SCHIP1: variants seen among roughly 807,000 people sequenced by gnomAD.
The protein encoded by SCHIP1 is schwannomin interacting protein 1, also known as schwannomin-interacting protein 1.
In SCHIP1, 8 loss-of-function variants were observed where a neutral mutation model predicts 29.7. The observed-to-expected ratio is 0.27, with a 90% CI of 0.16 to 0.49. SCHIP1 has a LOEUF of 0.49. SCHIP1 is among the 20% of genes least tolerant of loss of function. SCHIP1 has a pLI of 0.99. For synonymous variants in SCHIP1, 76 were observed against 94.9 expected (o/e 0.80, Z 1.16); for missense variants, 193 against 294.6 (o/e 0.66, Z 2.52).
chr3:159,539,067 C>A, the SCHIP1 span, among the ~76,000 whole-genome samples: 1 of 152,026 alleles, frequency 6.6e-6, no homozygotes, highest in Non-Finnish European at 1.5e-5. Context: ...GTAAGAATAG[C>A]CTTGGGTTCA....
At chr3:159,438,276 C>T in the SCHIP1 span, among the ~76,000 whole-genome samples, 1 of 152,046 alleles carries the variant, frequency 6.6e-6, no homozygotes, top group Non-Finnish European at 1.5e-5. Context: ...TTCTTTGGAG[C>T]ACTTAAGACT....
chr3:159,621,922 T>C, the SCHIP1 span, among the ~76,000 whole-genome samples: 3 of 152,176 alleles, frequency 2.0e-5, no homozygotes, highest in African/African-American at 7.2e-5. Context: ...TGCCTCGGCC[T>C]CCCAAAGTGC....
At chr3:159,573,990 T>C in the SCHIP1 span, among the ~76,000 whole-genome samples, 1 of 152,234 alleles carries the variant, frequency 6.6e-6, no homozygotes, top group East Asian at 1.9e-4. Flanking sequence ...CTACACTGTT[T>C]ATTCTAGTTA....
chr3:159,478,518 GACTC>G, the SCHIP1 span, among the ~76,000 whole-genome samples: 1 of 152,090 alleles, frequency 6.6e-6, no homozygotes, highest in African/African-American at 2.4e-5. Context: ...GAAGTACAAT[GACTC>G]CAGGTTTGTT....
At chr3:159,497,344 T>G in the SCHIP1 span, among the ~76,000 whole-genome samples, 1,663 of 152,166 alleles carry the variant, frequency 0.011, 38 homozygotes, top group African/African-American at 0.038. Context: ...TAAAGACCCT[T>G]GATAAATGTT....
the SCHIP1 span, among the ~76,000 whole-genome samples, chr3:159,597,716 G>T: frequency 6.6e-6 from 1 of 152,018 alleles, no homozygotes; most frequent in Admixed American, 6.6e-5. Context: ...CTTTGCTTTT[G>T]TGAAGAGTAC....
At chr3:159,639,489 T>TA in the SCHIP1 span, among the ~76,000 whole-genome samples, 73 of 152,266 alleles carry the variant, frequency 4.8e-4, no homozygotes, top group African/African-American at 1.8e-3. Context: ...TAATAATTTT[T>TA]AACCATTTCC....
At chr3:159,822,944 C>G in the SCHIP1 span, among the ~76,000 whole-genome samples, 1 of 151,960 alleles carries the variant, frequency 6.6e-6, no homozygotes, top group African/African-American at 2.4e-5. Flanking sequence ...ACAGCCACCT[C>G]TTGAGAGCCA....
At chr3:159,544,265 TTA>T in the SCHIP1 span, among the ~76,000 whole-genome samples, 1 of 152,094 alleles carries the variant, frequency 6.6e-6, no homozygotes, top group African/African-American at 2.4e-5. Context: ...TTTAAAATTT[TTA>T]TGTTAAATTT....
chr3:159,501,543 G>A, the SCHIP1 span, among the ~76,000 whole-genome samples: 5 of 152,140 alleles, frequency 3.3e-5, no homozygotes, highest in Non-Finnish European at 7.4e-5. Context: ...CCATTTATGT[G>A]TTAATAACTC....
the SCHIP1 span, among the ~76,000 whole-genome samples, chr3:159,535,188 T>C: frequency 6.6e-6 from 1 of 152,290 alleles, no homozygotes; most frequent in African/African-American, 2.4e-5. Flanking sequence ...TTGCATAATA[T>C]TTTTGCAAAC....
chr3:159,691,699 G>A, the SCHIP1 span, among the ~76,000 whole-genome samples: 2 of 151,988 alleles, frequency 1.3e-5, no homozygotes, highest in Non-Finnish European at 2.9e-5. Context: ...TAGTGTCAAT[G>A]GTCTTTACAT....
chr3:159,510,104 C>G, the SCHIP1 span, among the ~76,000 whole-genome samples: 2 of 152,180 alleles, frequency 1.3e-5, no homozygotes, highest in Admixed American at 6.5e-5. Flanking sequence ...TGCAGGTACA[C>G]CAATCAGACG....
the SCHIP1 span, among the ~76,000 whole-genome samples, chr3:159,786,553 A>G: frequency 1.3e-5 from 2 of 152,174 alleles, no homozygotes; most frequent in Admixed American, 1.3e-4. Flanking sequence ...CTTGAAATGT[A>G]CTGAGAAATG....
chr3:159,372,366 A>C, the SCHIP1 span, among the ~76,000 whole-genome samples: 1 of 152,148 alleles, frequency 6.6e-6, no homozygotes, highest in South Asian at 2.1e-4. Flanking sequence ...GGCGTTAATA[A>C]AGAGCTAAGA....
At chr3:159,850,983 G>T (rs944484892) in intron 1 of SCHIP1, among the ~76,000 whole-genome samples, 1 of 152,154 alleles carries the variant, frequency 6.6e-6, no homozygotes, top group Non-Finnish European at 1.5e-5. Context: ...ATCTTTAAAA[G>T]CTATGCTTGG....
chr3:159,547,806 A>G, the SCHIP1 span, among the ~76,000 whole-genome samples: 1 of 152,152 alleles, frequency 6.6e-6, no homozygotes, highest in Non-Finnish European at 1.5e-5. Context: ...TGTTTTGGTT[A>G]CTGTACTCTT....
At chr3:159,696,328 G>A in the SCHIP1 span, among the ~76,000 whole-genome samples, 1 of 152,076 alleles carries the variant, frequency 6.6e-6, no homozygotes, top group Non-Finnish European at 1.5e-5. Context: ...TACACTGACT[G>A]TTTTCTCTAC....
chr3:159,863,204 G>A (rs899080284), intron 1 of SCHIP1, among the ~76,000 whole-genome samples: 38 of 152,300 alleles, frequency 2.5e-4, no homozygotes, highest in Non-Finnish European at 4.3e-4. Flanking sequence ...GCTGAGCGTA[G>A]TGGCGCGAGC....
Sources: gnomAD v4.1 joint callset for allele counts (sites outside exome capture counted in the v4.1 genomes callset) on GRCh38, gnomAD v4.1.1 for gene constraint, MANE v1.5 for transcripts, NCBI Gene and HGNC (gene_info 2026-07-23, HGNC 2026-07-21) for gene names.